The following CYRIB variants were observed in gnomAD, a reference collection of about 807,000 sequenced individuals.
CYRIB encodes the protein CYFIP-related Rac1 interactor B.
Under a neutral mutation model 44.2 loss-of-function variants are expected in CYRIB, and 8 were observed. The observed-to-expected ratio is 0.18, with a 90% CI of 0.11 to 0.33. The LOEUF is 0.33. Ranked by LOEUF, CYRIB falls within the 10% of genes least tolerant of loss-of-function variation. CYRIB has a pLI of 1.00. For synonymous variants in CYRIB, 131 were observed against 127.2 expected (o/e 1.03, Z -0.20); for missense variants, 185 against 382.8 (o/e 0.48, Z 4.31).
chr8:129,991,247 G>GTAT (rs2096626222), intron 1 of CYRIB, among the ~76,000 whole-genome samples: 1 of 151,842 alleles, frequency 6.6e-6, no homozygotes, highest in Non-Finnish European at 1.5e-5. Flanking sequence ...CTAACACAGT[G>GTAT]CCTGCCTGGC....
intron 3 of CYRIB, among the ~76,000 whole-genome samples, chr8:129,872,965 A>AT (rs1360892506): frequency 6.6e-6 from 1 of 152,038 alleles, no homozygotes; most frequent in African/African-American, 2.4e-5. Flanking sequence ...CGGTAACGTT[A>AT]TTTTGTGCTT....
At chr8:129,916,373 C>CCT (rs2136692408) in intron 1 of CYRIB, among the ~76,000 whole-genome samples, 1 of 151,928 alleles carries the variant, frequency 6.6e-6, no homozygotes, top group East Asian at 1.9e-4. Context: ...TAGTCAAGCA[C>CCT]TATAAGAGAC....
At chr8:130,004,391 C>A (rs899885449) in intron 1 of CYRIB, 1 of 152,190 alleles carries the variant, frequency 6.6e-6, no homozygotes, top group Non-Finnish European at 1.5e-5. Context: ...AGGCGTGTGC[C>A]ACCCAGCCAT....
intron 1 of CYRIB, among the ~76,000 whole-genome samples, chr8:129,988,999 C>T (rs922732788): frequency 6.6e-6 from 1 of 152,248 alleles, no homozygotes; most frequent in South Asian, 2.1e-4. Flanking sequence ...TTTCAAGAAG[C>T]GAAATCACCG....
chr8:129,938,612 G>A (rs1308226386), intron 1 of CYRIB, among the ~76,000 whole-genome samples: 1 of 152,096 alleles, frequency 6.6e-6, no homozygotes, highest in East Asian at 1.9e-4. Context: ...CGCACATAGG[G>A]GTACTCAAAC....
At chr8:129,882,105 C>T (rs189979721) in intron 2 of CYRIB, among the ~76,000 whole-genome samples, 2 of 152,184 alleles carry the variant, frequency 1.3e-5, no homozygotes, top group Admixed American at 6.5e-5. Context: ...CAAAAAATTA[C>T]CTAGTGGTAT....
chr8:129,960,333 A>AC (rs1196961772), intron 2 of CYRIB, among the ~76,000 whole-genome samples: 1 of 152,160 alleles, frequency 6.6e-6, no homozygotes, highest in African/African-American at 2.4e-5. Flanking sequence ...AGTAGCTCGT[A>AC]CCTGTAATCC....
intron 1 of CYRIB, among the ~76,000 whole-genome samples, chr8:129,937,032 C>CG (rs774101369): frequency 3.9e-5 from 6 of 152,064 alleles, no homozygotes; most frequent in Non-Finnish European, 7.4e-5. Context: ...ATACAAGATA[C>CG]CTGAAAAAAC....
intron 1 of CYRIB, among the ~76,000 whole-genome samples, chr8:129,995,932 C>G (rs1445719011): frequency 1.3e-5 from 2 of 152,228 alleles, no homozygotes; most frequent in Non-Finnish European, 2.9e-5. Flanking sequence ...GACACAGAGG[C>G]TGACCCCAAC....
intron 1 of CYRIB, among the ~76,000 whole-genome samples, chr8:129,994,275 G>T (rs902637787): frequency 2.1e-5 from 3 of 144,808 alleles, no homozygotes; most frequent in Non-Finnish European, 4.8e-5. Context: ...AAGCTGGGGG[G>T]GGTGGCATGG....
chr8:129,848,615 C>A (rs2041613388), intron 10 of CYRIB, among the ~76,000 whole-genome samples: 1 of 152,190 alleles, frequency 6.6e-6, no homozygotes, highest in Non-Finnish European at 1.5e-5. Context: ...CTCACCCAGA[C>A]TGAATGCAGT....
At position 129,873,576 on chromosome 8, in the gene CYRIB, C is replaced by T. The variant is rs193112133; in HGVS notation, c.74-2080G>A. The stretch of plus-strand genomic sequence containing the variant: ...ACAGACATAACATCAATAGTAGACA[C>T]GTATTTAGTTTGAATTCATGAAGTG... On this transcript the variant is annotated intron_variant, in intron 3 of 11. Coordinates refer to ENST00000519824, the Ensembl canonical transcript of CYRIB. Among the ~76,000 whole-genome samples, 71 of 151,910 alleles carry T rather than the reference C, an allele frequency of 4.7e-4. No homozygotes were observed. The South Asian group carries it at 0.01, about 22-fold the overall frequency.
chr8:129,862,989 C>CTTGGTG (rs1254721272), intron 4 of CYRIB, among the ~76,000 whole-genome samples: 2 of 152,058 alleles, frequency 1.3e-5, no homozygotes, highest in East Asian at 3.8e-4. Flanking sequence ...TATTTTATGC[C>CTTGGTG]TTGGTGCCCA....
At chr8:129,895,162 CTGT>C (rs1323588303) in intron 2 of CYRIB, among the ~76,000 whole-genome samples, 1 of 149,174 alleles carries the variant, frequency 6.7e-6, no homozygotes, top group East Asian at 2.0e-4. Flanking sequence ...AGGGGGAATA[CTGT>C]TGTTGTTTGT....
chr8:129,873,430 C>T (rs945813741), intron 3 of CYRIB, among the ~76,000 whole-genome samples: 1 of 151,974 alleles, frequency 6.6e-6, no homozygotes, highest in Non-Finnish European at 1.5e-5. Flanking sequence ...GTCAGACATA[C>T]ACTCTTTTTA....
intron 2 of CYRIB, among the ~76,000 whole-genome samples, chr8:129,967,286 T>C (rs1158117086): frequency 6.6e-6 from 1 of 152,220 alleles, no homozygotes; most frequent in African/African-American, 2.4e-5. Context: ...ATTTACACCA[T>C]AGGAATCAGC....
At chr8:129,990,470 G>A (rs1451817901) in intron 1 of CYRIB, among the ~76,000 whole-genome samples, 1 of 150,748 alleles carries the variant, frequency 6.6e-6, no homozygotes, top group African/African-American at 2.5e-5. Flanking sequence ...CGGTGTGTGT[G>A]TGTGTGCATG....
At chr8:129,966,202 C>T (rs1335858522) in intron 2 of CYRIB, among the ~76,000 whole-genome samples, 1 of 152,218 alleles carries the variant, frequency 6.6e-6, no homozygotes, top group Non-Finnish European at 1.5e-5. Context: ...CACAGTCTTT[C>T]TATTACTAGC....
intron 10 of CYRIB, among the ~76,000 whole-genome samples, chr8:129,847,916 C>T (rs1432310504): frequency 6.6e-6 from 1 of 152,196 alleles, no homozygotes; most frequent in East Asian, 1.9e-4. Flanking sequence ...ATTCTCCCAC[C>T]TCAGCCTCCC....
Sources: allele counts gnomAD v4.1 joint callset (sites outside exome capture counted in the v4.1 genomes callset), GRCh38; gene constraint gnomAD v4.1.1; transcripts MANE v1.5; gene names NCBI Gene and HGNC (gene_info 2026-07-23, HGNC 2026-07-21).